The following HTRA1 variants were observed in gnomAD, a reference collection of about 807,000 sequenced individuals.
HTRA1 encodes HtrA serine peptidase 1.
Under a neutral mutation model 49.7 loss-of-function variants are expected in HTRA1, and 26 were observed. The observed-to-expected ratio is 0.52, with a 90% CI of 0.38 to 0.73. The LOEUF (loss-of-function observed/expected upper bound fraction) is 0.73, where lower values mean the gene tolerates loss of function less well. Ranked by LOEUF, HTRA1 falls within the 30% of genes least tolerant of loss-of-function variation. The pLI, the probability that HTRA1 is intolerant of heterozygous loss-of-function variation, is 0.00. For synonymous variants in HTRA1, 291 were observed against 286.9 expected (o/e 1.01, Z -0.14); for missense variants, 561 against 667.2 (o/e 0.84, Z 1.75).
chr10:122,508,017 C>CCATTTATAGAGGGCAGCTCTGGGGA (rs2097503915), intron 5 of HTRA1, among the ~76,000 whole-genome samples: 1 of 152,084 alleles, frequency 6.6e-6, no homozygotes, highest in Non-Finnish European at 1.5e-5. Context: ...AGCTCTGGGG[C>CCATTTATAGAGGGCAGCTCTGGGGA]CATTTATAGG....
chr10:122,478,662 G>A (rs1420723413), intron 1 of HTRA1, among the ~76,000 whole-genome samples: 1 of 105,922 alleles, frequency 9.4e-6, no homozygotes, highest in Admixed American at 1.1e-4. Context: ...AAAGTGCTGG[G>A]ATTACAGGCT....
intron 2 of HTRA1, 111 bp from the exon 3 acceptor site, chr10:122,489,311 A>G: frequency 9.5e-7 from 1 of 1,057,972 alleles, no homozygotes; most frequent in Non-Finnish European, 1.5e-6. Context: ...CCCGATATAT[A>G]AAGGAGCGAT....
chr10:122,493,231 C>T (rs1311489137), intron 3 of HTRA1, among the ~76,000 whole-genome samples: 3 of 152,200 alleles, frequency 2.0e-5, no homozygotes, highest in African/African-American at 7.2e-5. Context: ...CACCTGCAGC[C>T]CCGGCCAGGC....
intron 1 of HTRA1, among the ~76,000 whole-genome samples, chr10:122,474,866 G>A (rs1339926846): frequency 6.6e-6 from 1 of 152,154 alleles, no homozygotes; most frequent in East Asian, 1.9e-4. Flanking sequence ...AATAGATCAA[G>A]CAAGGACTGA....
At chr10:122,481,339 T>C (rs2097490894) in intron 1 of HTRA1, among the ~76,000 whole-genome samples, 1 of 152,204 alleles carries the variant, frequency 6.6e-6, no homozygotes, top group African/African-American at 2.4e-5. Flanking sequence ...TATCCAGTTT[T>C]ACTTTTCCCT....
chr10:122,463,628 A>G (rs896654010), intron 1 of HTRA1, among the ~76,000 whole-genome samples: 3 of 152,156 alleles, frequency 2.0e-5, no homozygotes, highest in Non-Finnish European at 4.4e-5. Flanking sequence ...CAGCCTCCCA[A>G]GTGGCTGGGA....
Position 122,461,873 on chromosome 10 carries a change from C to G in HTRA1, c.221C>G (p.Ala74Gly). The G allele has an allele frequency of 8.1e-7, 1 of 1,227,042 alleles. No individual in the cohort carries two copies. The highest frequency in any genetic ancestry group is 1.0e-6 in the Non-Finnish European group (1 of 987,896). The allele number at this position is 1,227,042 out of a possible 1,614,324, so 76.0% of individuals were successfully genotyped here. Residue 74 changes from alanine (A) to glycine (G), a missense_variant, in exon 1 of 9, where the codon GCC becomes GGC. By Grantham distance (60) the Ala-to-Gly change is moderately conservative. This residue lies in a region of HTRA1 where 271 missense variants were observed against 410.0 expected (regional missense o/e 0.66). Transcript: ENST00000368984. ...CCEVCGAPEGAACGLQEGPCG... is the reference protein window; with the variant it reads ...CCEVCGAPEGGACGLQEGPCG... ...GAGGTGTGCGGCGCGCCCGAGGGCG[C>G]CGCGTGCGGCCTGCAGGAGGGCCCG...
In HTRA1 at chr10:122,489,308, T is replaced by G. The variant is rs1392730676; in HGVS notation, c.573-114T>G. ...TAGTGTTTAAATGCTAAGCCCGATATATAAAGGAGCGATGGCTAGGTGTGT... is the reference window on the plus strand; with the variant it reads ...TAGTGTTTAAATGCTAAGCCCGATAGATAAAGGAGCGATGGCTAGGTGTGT... On this transcript the variant is annotated intron_variant, in intron 2 of 8. Coordinates refer to ENST00000368984, the MANE Select transcript of HTRA1 (RefSeq NM_002775.5). The G allele has an allele frequency of 3.9e-6, 4 of 1,036,798 alleles. No individual in the cohort carries two copies. The Admixed American group carries it at 7.0e-5, about 18-fold the overall frequency. 64.2% of individuals were successfully genotyped at this position (1,036,798 alleles called of 1,614,324 possible). A position where few individuals can be genotyped will look rare whatever the true frequency, so the allele number is the denominator to read the frequency against.
chr10:122,486,739 C>CGT (rs34013554), intron 1 of HTRA1, among the ~76,000 whole-genome samples: 29,359 of 149,998 alleles, frequency 0.2, 3,107 homozygotes, highest in South Asian at 0.42. Flanking sequence ...ATGAGAGAGG[C>CGT]GTGTGTGTGT....
intron 1 of HTRA1, among the ~76,000 whole-genome samples, chr10:122,476,140 C>G (rs563962441): frequency 1.3e-5 from 2 of 152,312 alleles, no homozygotes; most frequent in South Asian, 4.2e-4. Context: ...CTCTCCTGAC[C>G]CTCAGAGAGA....
chr10:122,468,159 G>T (rs192702119), intron 1 of HTRA1, among the ~76,000 whole-genome samples: 3 of 152,234 alleles, frequency 2.0e-5, no homozygotes, highest in Admixed American at 2.0e-4. Flanking sequence ...GTGGTAGATA[G>T]TATGATGCTC....
chr10:122,507,911 C>T (rs1392130973), intron 5 of HTRA1, among the ~76,000 whole-genome samples: 2 of 149,834 alleles, frequency 1.3e-5, no homozygotes, highest in Admixed American at 6.8e-5. Flanking sequence ...AATACTTGAG[C>T]AGAAAAAGTG....
intron 1 of HTRA1, among the ~76,000 whole-genome samples, chr10:122,472,369 C>CTATTATTATTATTAT (rs56115456): frequency 1.1e-4 from 15 of 141,822 alleles, no homozygotes; most frequent in East Asian, 2.0e-4. Flanking sequence ...TTCTTTATTA[C>CTATTATTATTATTAT]TATTATTATT....
At position 122,514,647 on chromosome 10, in the gene HTRA1, T is replaced by C. The variant is rs2097507115; in HGVS notation, c.*288T>C. The C allele has an allele frequency of 2.3e-6, 1 of 427,374 alleles. No homozygotes were observed. Among genetic ancestry groups the C allele is most frequent in the South Asian group, 2.1e-5 (1 of 47,528 alleles). The allele number at this position is 427,374 out of a possible 1,614,324, so 26.5% of individuals were successfully genotyped here. On this transcript the variant is annotated 3_prime_UTR_variant, in exon 9 of 9. Transcript: ENST00000368984. The stretch of plus-strand genomic sequence containing the variant: ...GCTTAGACAGTCAGCATTTGTCTCC[T>C]CCTTTAACTGAGTCATCATCTTAGT...
At chr10:122,468,402 GTCA>G (rs148200348) in intron 1 of HTRA1, among the ~76,000 whole-genome samples, 4,704 of 148,606 alleles carry the variant, frequency 0.032, 132 homozygotes, top group African/African-American at 0.075. Flanking sequence ...TGTTGTCATT[GTCA>G]TCATCATCAT....
chr10:122,488,860 G>A, intron 1 of HTRA1, 42 bp from the exon 2 acceptor site: 5 of 1,488,430 alleles, frequency 3.4e-6, no homozygotes, highest in East Asian at 2.3e-5. Flanking sequence ...GGTGGCCACA[G>A]CAGAGTGTCA....
rs892203441 is a variant in HTRA1 at position 122,490,263 on chromosome 10, G to A, written c.777+637G>A. On this transcript the variant is annotated intron_variant, in intron 3 of 8. Coordinates refer to ENST00000368984, the MANE Select transcript of HTRA1 (RefSeq NM_002775.5). The surrounding 1 kb of genome is among the most constrained non-coding windows in gnomAD (Gnocchi z 4.2). ...CAAAAGGGTGTTGACTGAACTATTT[G>A]CCCAAATTATAATCATTTGAGTATA... 5.9e-5 allele frequency among the ~76,000 whole-genome samples: 9 copies of A among 152,154 alleles called. No individual in the cohort carries two copies. Among genetic ancestry groups the A allele is most frequent in the Admixed American group, 5.9e-4 (9 of 15,282 alleles).
intron 3 of HTRA1, among the ~76,000 whole-genome samples, chr10:122,500,581 T>C (rs946716375): frequency 1.3e-5 from 2 of 152,182 alleles, no homozygotes; most frequent in Non-Finnish European, 2.9e-5. Context: ...CAGTGTTCTC[T>C]CAGCATACGT....
chr10:122,491,412 G>C (rs752305276), intron 3 of HTRA1, among the ~76,000 whole-genome samples: 1 of 152,222 alleles, frequency 6.6e-6, no homozygotes, highest in Non-Finnish European at 1.5e-5. Flanking sequence ...TCACCGGAAG[G>C]AGCCAGTCAG....
Sources: gnomAD v4.1 joint callset for allele counts (sites outside exome capture counted in the v4.1 genomes callset) on GRCh38, gnomAD v4.1.1 for gene constraint, gnomAD v4.1.1 regional missense constraint, Gnocchi (gnomAD v3.1) non-coding constraint, MANE v1.5 for transcripts, NCBI Gene and HGNC (gene_info 2026-07-23, HGNC 2026-07-21) for gene names.